Variants in WWOX observed in about 807,000 individuals in gnomAD.
WWOX encodes WW domain containing oxidoreductase.
Under a neutral mutation model 46.2 loss-of-function variants are expected in WWOX, and 69 were observed. That is an observed-to-expected ratio of 1.49 (90% CI 1.23 to 1.82). The LOEUF (loss-of-function observed/expected upper bound fraction) is 1.82. WWOX is among the 40% of genes most tolerant of loss of function. The pLI is 0.00. For synonymous variants in WWOX, 359 were observed against 202.6 expected (o/e 1.77, Z -6.56); for missense variants, 919 against 542.6 (o/e 1.69, Z -6.89).
chr16:78,817,546 A>G (rs187850203), intron 8 of WWOX, among the ~76,000 whole-genome samples: 4 of 152,228 alleles, frequency 2.6e-5, no homozygotes, highest in Admixed American at 6.5e-5. Flanking sequence ...TTGCCAATCA[A>G]AATTCACGAA....
chr16:78,982,192 G>A (rs1020873996), intron 8 of WWOX, among the ~76,000 whole-genome samples: 1 of 152,162 alleles, frequency 6.6e-6, no homozygotes, highest in Non-Finnish European at 1.5e-5. Flanking sequence ...AGCCTCTTTC[G>A]TGCACACACG....
intron 8 of WWOX, among the ~76,000 whole-genome samples, chr16:79,174,375 G>A (rs1160192975): frequency 1.3e-5 from 2 of 152,232 alleles, no homozygotes; most frequent in African/African-American, 4.8e-5. Context: ...CTAGCCGGGT[G>A]TGGTGGCTCA....
chr16:78,335,479 A>G (rs1325085563), intron 5 of WWOX, among the ~76,000 whole-genome samples: 1 of 152,124 alleles, frequency 6.6e-6, no homozygotes, highest in Non-Finnish European at 1.5e-5. Flanking sequence ...ATGATTATAT[A>G]ATATTCCATG....
chr16:78,229,506 C>CTATA (rs2037179292), intron 5 of WWOX, among the ~76,000 whole-genome samples: 2 of 116,392 alleles, frequency 1.7e-5, no homozygotes, highest in African/African-American at 3.2e-5. Context: ...TTATCTATAT[C>CTATA]TATATAGAGA....
At chr16:78,137,375 C>T (rs967518043) in intron 4 of WWOX, among the ~76,000 whole-genome samples, 1 of 152,198 alleles carries the variant, frequency 6.6e-6, no homozygotes, top group Non-Finnish European at 1.5e-5. Flanking sequence ...CCCGGAGTCT[C>T]AGTTTCCTCA....
intron 8 of WWOX, among the ~76,000 whole-genome samples, chr16:79,189,776 A>C (rs1030503006): frequency 1.3e-5 from 2 of 151,348 alleles, no homozygotes; most frequent in Non-Finnish European, 2.9e-5. Flanking sequence ...GCGAATACAC[A>C]GTTGTTACCT....
chr16:78,968,083 TGCATGGTCCGCATGGCACAGC>T lies in WWOX; in HGVS notation c.1057-243522_1057-243502del, dbSNP rs1446936255. On this transcript the variant is annotated intron_variant, in intron 8 of 8. Coordinates refer to ENST00000566780, the MANE Select transcript of WWOX (RefSeq NM_016373.4). ...ACAGTGTGTGGTCTGTATGGCACAG[TGCATGGTCCGCATGGCACAGC>T]GCGTGGTCCGCGTGGCACAGCGCGT... is the stretch of plus-strand genomic sequence containing the variant. Among the ~76,000 whole-genome samples, 437 of 148,524 alleles carry T rather than the reference TGCATGGTCCGCATGGCACAGC, an allele frequency of 2.9e-3. 10 individuals carry two copies. The highest frequency in any genetic ancestry group is 0.028 in the Admixed American group (416 of 15,086).
chr16:78,456,611 T>A (rs1176182196), intron 8 of WWOX, among the ~76,000 whole-genome samples: 1 of 152,232 alleles, frequency 6.6e-6, no homozygotes, highest in African/African-American at 2.4e-5. Flanking sequence ...AGTTCATTTT[T>A]ATAAAAAAAT....
At chr16:78,659,194 C>G (rs775456899) in intron 8 of WWOX, among the ~76,000 whole-genome samples, 6 of 151,954 alleles carry the variant, frequency 3.9e-5, no homozygotes, top group Non-Finnish European at 8.8e-5. Flanking sequence ...ACGTGGTATT[C>G]TTATCCTCAT....
intron 8 of WWOX, among the ~76,000 whole-genome samples, chr16:78,990,247 C>A (rs921333198): frequency 1.3e-5 from 2 of 151,216 alleles, no homozygotes; most frequent in South Asian, 2.1e-4. Flanking sequence ...AGATTAAGGG[C>A]CTCCATTCCC....
intron 8 of WWOX, among the ~76,000 whole-genome samples, chr16:78,712,288 G>T (rs1047952456): frequency 6.6e-6 from 1 of 152,102 alleles, no homozygotes; most frequent in Non-Finnish European, 1.5e-5. Context: ...CAGATCATGA[G>T]GTCAAGAGAT....
chr16:78,559,740 T>C (rs2044389277), intron 8 of WWOX, among the ~76,000 whole-genome samples: 1 of 152,180 alleles, frequency 6.6e-6, no homozygotes, highest in South Asian at 2.1e-4. Flanking sequence ...TGGTAGAAAG[T>C]TCTAACTAAT....
intron 8 of WWOX, among the ~76,000 whole-genome samples, chr16:78,710,500 T>TTA (rs2048421230): frequency 1.5e-5 from 1 of 68,584 alleles, no homozygotes; most frequent in African/African-American, 5.5e-5. Context: ...ATATATATAT[T>TTA]TATATAAATA....
intron 8 of WWOX, among the ~76,000 whole-genome samples, chr16:78,856,211 A>G (rs1016363020): frequency 6.6e-6 from 1 of 152,190 alleles, no homozygotes; most frequent in Non-Finnish European, 1.5e-5. Flanking sequence ...GACAGAGGAA[A>G]ATGATAAGGA....
At position 78,565,612 on chromosome 16, in the gene WWOX, C is replaced by T. The variant is rs549219882; in HGVS notation, c.1056+132860C>T. Among the ~76,000 whole-genome samples the T allele has an allele frequency of 6.6e-5, 10 of 152,326 alleles. No individual in the cohort carries two copies. In the South Asian group the frequency reaches 2.1e-3, roughly 32 times the overall value. On this transcript the variant is annotated intron_variant, in intron 8 of 8. Coordinates refer to ENST00000566780, the MANE Select transcript of WWOX (RefSeq NM_016373.4). The stretch of plus-strand genomic sequence containing the variant: ...ATCTCAGGGTCCTTAATCACATCTT[C>T]AGAGTCCCCTTTGCCATGGCTGATG...
intron 8 of WWOX, among the ~76,000 whole-genome samples, chr16:79,025,444 A>T (rs1292760675): frequency 3.3e-5 from 5 of 152,226 alleles, no homozygotes; most frequent in South Asian, 4.1e-4. Flanking sequence ...AGGTGTTTTC[A>T]GCAGAGACAG....
intron 8 of WWOX, among the ~76,000 whole-genome samples, chr16:79,044,397 T>A (rs1287455255): frequency 6.6e-6 from 1 of 152,154 alleles, no homozygotes; most frequent in African/African-American, 2.4e-5. Context: ...TTCTCATGAA[T>A]GGTTTACCAC....
intron 4 of WWOX, among the ~76,000 whole-genome samples, chr16:78,117,614 C>T (rs1239713807): frequency 6.6e-6 from 1 of 152,106 alleles, no homozygotes; most frequent in Admixed American, 6.6e-5. Context: ...TGTCCTTGCC[C>T]AAGTAGGCTG....
At chr16:79,057,754 C>G (rs1166397253) in intron 8 of WWOX, among the ~76,000 whole-genome samples, 2 of 152,080 alleles carry the variant, frequency 1.3e-5, no homozygotes, top group African/African-American at 2.4e-5. Context: ...CATAGGTGGT[C>G]AAGAATTTAG....
Sources: allele counts gnomAD v4.1 joint callset (sites outside exome capture counted in the v4.1 genomes callset), GRCh38; gene constraint gnomAD v4.1.1; transcripts MANE v1.5; gene names NCBI Gene and HGNC (gene_info 2026-07-23, HGNC 2026-07-21).